The following SPATA22 variants were observed in gnomAD, a reference collection of about 807,000 sequenced individuals.
The protein encoded by SPATA22 is spermatogenesis-associated protein 22.
SPATA22 carries 29 observed loss-of-function variants against 47.8 expected under a neutral mutation model. That is an observed-to-expected ratio of 0.61 (90% CI 0.45 to 0.83). The LOEUF (loss-of-function observed/expected upper bound fraction) is 0.83, where lower values mean the gene tolerates loss of function less well. SPATA22 is among the 40% of genes least tolerant of loss of function. The pLI, the probability that SPATA22 is intolerant of heterozygous loss-of-function variation, is 0.00. For synonymous variants in SPATA22, 133 were observed against 140.9 expected (o/e 0.94, Z 0.40); for missense variants, 410 against 421.7 (o/e 0.97, Z 0.24).
At chr17:3,505,916 C>A (rs911918000) in intron 1 of SPATA22, among the ~76,000 whole-genome samples, 1 of 152,030 alleles carries the variant, frequency 6.6e-6, no homozygotes, top group African/African-American at 2.4e-5. Context: ...CGCCAGCAAG[C>A]CTGGCTAATT....
At position 3,462,594 on chromosome 17, in the gene SPATA22, G is replaced by A. The variant is rs1451008129; in HGVS notation, c.234-16C>T. Reference sequence around the variant, plus strand: ...TGGTATTTGCCTTTCAAGGGAATATGTCTTGTTAAATATTAATAGTTTGCT... The same window carrying A: ...TGGTATTTGCCTTTCAAGGGAATATATCTTGTTAAATATTAATAGTTTGCT... On this transcript the variant is annotated splice_polypyrimidine_tract_variant and intron_variant, in intron 4 of 8. Coordinates refer to ENST00000572969, the MANE Select transcript of SPATA22 (RefSeq NM_001170698.2). The A allele has an allele frequency of 2.5e-6, 4 of 1,603,470 alleles. No homozygotes were observed. The highest frequency in any genetic ancestry group is 1.7e-5 in the Admixed American group (1 of 59,830).
chr17:3,464,723 G>C (rs1442038841), intron 3 of SPATA22, among the ~76,000 whole-genome samples: 162 of 142,326 alleles, frequency 1.1e-3, no homozygotes, highest in African/African-American at 1.9e-3. Context: ...CATCTGAGAA[G>C]GGAGGAGACC....
chr17:3,486,205 A>AT (rs1225330498), intron 1 of SPATA22, among the ~76,000 whole-genome samples: 1 of 152,144 alleles, frequency 6.6e-6, no homozygotes, highest in East Asian at 1.9e-4. Flanking sequence ...AAGTGCTGGG[A>AT]TTACAGGCGT....
intron 3 of SPATA22, among the ~76,000 whole-genome samples, chr17:3,466,796 G>C (rs1476373837): frequency 6.6e-6 from 1 of 152,156 alleles, no homozygotes; most frequent in East Asian, 1.9e-4. Flanking sequence ...CTTTTATAAA[G>C]TCACTAATCT....
intron 8 of SPATA22, 53 bp downstream of exon 8, chr17:3,443,121 T>G (rs146043163): frequency 7.6e-4 from 915 of 1,208,390 alleles, no homozygotes; most frequent in Non-Finnish European, 9.7e-4. Flanking sequence ...ATAGCCTGCA[T>G]GTTTATATTC....
chr17:3,471,700 C>G lies in SPATA22; in HGVS notation c.-92G>C. On this transcript the variant is annotated 5_prime_UTR_variant, in exon 1 of 9. Coordinates refer to ENST00000572969, the MANE Select transcript of SPATA22 (RefSeq NM_001170698.2). ...AACGCACAGTCTTTCCCTTCTAGGCCCTCCTGCCAACACGACACACAACTT... is the reference window on the plus strand; with the variant it reads ...AACGCACAGTCTTTCCCTTCTAGGCGCTCCTGCCAACACGACACACAACTT... 1.0e-6 allele frequency: 1 copy of G among 985,562 alleles called. No individual in the cohort carries two copies. The highest frequency in any genetic ancestry group is 1.2e-6 in the Non-Finnish European group (1 of 830,030). The allele number at this position is 985,562 out of a possible 1,614,324, so 61.1% of individuals were successfully genotyped here.
At chr17:3,468,389 C>T (rs368148859) in intron 2 of SPATA22, 1 of 152,280 alleles carries the variant, frequency 6.6e-6, no homozygotes, top group East Asian at 1.9e-4. Flanking sequence ...GGATCTCTTG[C>T]CACTGTACCA....
chr17:3,441,350 A>C (rs2072593881), intron 8 of SPATA22: 1 of 152,056 alleles, frequency 6.6e-6, no homozygotes, highest in Non-Finnish European at 1.5e-5. Context: ...ATAAGAGAAG[A>C]AAACAGCAAG....
At chr17:3,441,241 TG>T in intron 8 of SPATA22, 1 of 151,934 alleles carries the variant, frequency 6.6e-6, no homozygotes, top group Non-Finnish European at 1.5e-5. Context: ...AAGCAAACCA[TG>T]GATATGAGAA....
At chr17:3,452,185 C>T (rs2072877506) in intron 5 of SPATA22, among the ~76,000 whole-genome samples, 1 of 151,034 alleles carries the variant, frequency 6.6e-6, no homozygotes, top group South Asian at 2.1e-4. Context: ...AGCATCCTAA[C>T]TTCACACTTA....
intron 1 of SPATA22, 23 bp from the exon 2 acceptor site, chr17:3,469,421 C>G: frequency 1.1e-6 from 1 of 898,586 alleles, no homozygotes; most frequent in Non-Finnish European, 1.7e-6. Flanking sequence ...AAACTTATAA[C>G]TCGTATTGTC....
At chr17:3,447,046 C>A (rs2072742153) in intron 6 of SPATA22, among the ~76,000 whole-genome samples, 1 of 151,864 alleles carries the variant, frequency 6.6e-6, no homozygotes, top group South Asian at 2.1e-4. Context: ...AATTCATGGA[C>A]AAAACAGTCA....
chr17:3,513,832 T>A lies in SPATA22; in HGVS notation c.-494A>T, dbSNP rs886052853. Reference sequence around the variant, plus strand: ...AGGCCAGCAGAGCCGGACTCCACCATCCCTCAAAGCCTCTCTGCACAGAGT... The same window carrying A: ...AGGCCAGCAGAGCCGGACTCCACCAACCCTCAAAGCCTCTCTGCACAGAGT... On this transcript the variant is annotated 5_prime_UTR_variant, in exon 1 of 9. Coordinates refer to the SPATA22 transcript ENST00000541913. 1.4e-5 allele frequency: 17 copies of A among 1,194,162 alleles called. No individual in the cohort carries two copies. In the East Asian group the frequency reaches 4.0e-4, roughly 28 times the overall value. The allele number at this position is 1,194,162 out of a possible 1,614,324, so 74.0% of individuals were successfully genotyped here.
chr17:3,455,123 C>T (rs1230409234), intron 5 of SPATA22, among the ~76,000 whole-genome samples: 2 of 149,080 alleles, frequency 1.3e-5, no homozygotes, highest in African/African-American at 2.4e-5. Flanking sequence ...TGTTCATATC[C>T]TTTGCCCACT....
intron 1 of SPATA22, chr17:3,510,687 G>A (rs1395631543): frequency 1.3e-5 from 2 of 152,338 alleles, no homozygotes; most frequent in South Asian, 2.1e-4. Context: ...ATGGGGTGAC[G>A]ATTCTGTGTT....
At chr17:3,459,526 C>T (rs1165009069) in intron 5 of SPATA22, among the ~76,000 whole-genome samples, 1 of 152,216 alleles carries the variant, frequency 6.6e-6, no homozygotes, top group Non-Finnish European at 1.5e-5. Context: ...CTGCCTCAGC[C>T]TCCCAAGTAG....
chr17:3,454,900 G>C (rs1182972727), intron 5 of SPATA22, among the ~76,000 whole-genome samples: 1 of 152,052 alleles, frequency 6.6e-6, no homozygotes, highest in Non-Finnish European at 1.5e-5. Flanking sequence ...GGTTGAACTA[G>C]TTTACAGTCC....
At position 3,463,340 on chromosome 17, in the gene SPATA22, C is replaced by T. The variant is rs140785782; in HGVS notation, c.173-573G>A. ...GCTGGAGAGTACAGCTTGCTACACA[C>T]CTAGGCTATATGTTACAGCCTATTG... On this transcript the variant is annotated intron_variant, in intron 3 of 8. Transcript: ENST00000572969. 3.0e-3 allele frequency among the ~76,000 whole-genome samples: 451 copies of T among 152,260 alleles called. 2 individuals carry two copies. Among genetic ancestry groups the T allele is most frequent in the Non-Finnish European group, 4.4e-3 (299 of 68,002 alleles).
chr17:3,474,242 A>G (rs2073489173), upstream of SPATA22: 1 of 152,238 alleles, frequency 6.6e-6, no homozygotes, highest in Non-Finnish European at 1.5e-5. Flanking sequence ...GACATGTAAG[A>G]GAAACTTTAT....
Sources: allele counts gnomAD v4.1 joint callset (sites outside exome capture counted in the v4.1 genomes callset), GRCh38; gene constraint gnomAD v4.1.1; transcripts MANE v1.5; gene names NCBI Gene and HGNC (gene_info 2026-07-23, HGNC 2026-07-21).